The following DNAH14 variants were observed in gnomAD, a reference collection of about 807,000 sequenced individuals.
DNAH14 encodes axonemal beta dynein heavy chain 14.
Under a neutral mutation model 520.9 loss-of-function variants are expected in DNAH14, and 478 were observed. That is an observed-to-expected ratio of 0.92 (90% CI 0.85 to 0.99). The LOEUF (loss-of-function observed/expected upper bound fraction) is 0.99. Among genes scored for constraint, DNAH14 ranks in the 50% least tolerant of loss-of-function variants. The pLI, the probability that DNAH14 is intolerant of heterozygous loss-of-function variation, is 0.00. For synonymous variants in DNAH14, 1,581 were observed against 1,757.2 expected (o/e 0.90, Z 2.51); for missense variants, 4,831 against 5,234.5 (o/e 0.92, Z 2.38).
intron 1 of DNAH14, among the ~76,000 whole-genome samples, chr1:224,948,691 A>G (rs1395691903): frequency 6.6e-6 from 1 of 151,610 alleles, no homozygotes; most frequent in Non-Finnish European, 1.5e-5. Flanking sequence ...TTTCACCCCC[A>G]CTCCCAACTG....
intron 10 of DNAH14, among the ~76,000 whole-genome samples, chr1:225,014,873 A>G (rs2065085748): frequency 6.6e-6 from 1 of 152,170 alleles, no homozygotes; most frequent in South Asian, 2.1e-4. Flanking sequence ...TAGATTATCT[A>G]TTTGATGCTG....
intron 10 of DNAH14, among the ~76,000 whole-genome samples, chr1:225,012,428 T>C (rs1025347579): frequency 6.6e-6 from 1 of 152,126 alleles, no homozygotes; most frequent in African/African-American, 2.4e-5. Context: ...ATTATATGTC[T>C]TGGGGTTGCT....
In DNAH14 at chr1:225,201,793, C is replaced by T. The variant is rs181919409; in HGVS notation, c.5887-2390C>T. ...GCAAGGGGATAAAATGGACTCTGTACGGGTCCTTACCTTTCATTGTTTAAT... is the reference window on the plus strand; with the variant it reads ...GCAAGGGGATAAAATGGACTCTGTATGGGTCCTTACCTTTCATTGTTTAAT... On this transcript the variant is annotated intron_variant, in intron 38 of 85. Coordinates refer to ENST00000682510, the MANE Select transcript of DNAH14 (RefSeq NM_001367479.1). Among the ~76,000 whole-genome samples the T allele has an allele frequency of 1.2e-4, 18 of 151,644 alleles. No homozygotes were observed. The East Asian group carries it at 1.8e-3, about 15-fold the overall frequency.
intron 43 of DNAH14, among the ~76,000 whole-genome samples, chr1:225,244,609 T>C (rs1334231933): frequency 6.6e-6 from 1 of 152,064 alleles, no homozygotes; most frequent in African/African-American, 2.4e-5. Flanking sequence ...GAATTTATCC[T>C]TTTCTTCTAG....
intron 38 of DNAH14, among the ~76,000 whole-genome samples, chr1:225,194,350 A>G (rs143109504): frequency 6.6e-6 from 1 of 152,304 alleles, no homozygotes; most frequent in Non-Finnish European, 1.5e-5. Flanking sequence ...TAGCCCAGAA[A>G]TAATACTGCA....
chr1:225,335,700 TGC>T (rs1275004955), intron 66 of DNAH14, among the ~76,000 whole-genome samples: 1 of 85,874 alleles, frequency 1.2e-5, no homozygotes, highest in Non-Finnish European at 2.4e-5. Flanking sequence ...TATACATATG[TGC>T]ATATATGTAT....
At chr1:225,104,511 G>A (rs941522270) in intron 23 of DNAH14, among the ~76,000 whole-genome samples, 13 of 152,076 alleles carry the variant, frequency 8.5e-5, no homozygotes, top group Admixed American at 8.5e-4. Context: ...AATCCATCTG[G>A]TCCTGGACTT....
At position 225,119,233 on chromosome 1, in the gene DNAH14, A is replaced by G; in HGVS notation, c.4105A>G (p.Arg1369Gly). The change falls in exon 26 of 86, where the codon AGA (arginine) becomes GGA (glycine). Residue 1369 changes from arginine (R) to glycine (G), a missense_variant. Transcript: ENST00000682510. ...GLVLPKKIRVRSAVEQWLVNV... is the reference protein window; with the variant it reads ...GLVLPKKIRVGSAVEQWLVNV... The stretch of plus-strand genomic sequence containing the variant: ...AACTAATTTTAGGAAAATTCGTGTA[A>G]GAAGTGCTGTAGAACAGTGGCTGGT... The G allele has an allele frequency of 6.6e-7, 1 of 1,522,056 alleles. No homozygotes were observed. 94.3% of individuals were successfully genotyped at this position (1,522,056 alleles called of 1,614,324 possible).
chr1:224,974,471 C>G (rs2501141), intron 8 of DNAH14, among the ~76,000 whole-genome samples: 22,965 of 152,072 alleles, frequency 0.15, 3,205 homozygotes, highest in African/African-American at 0.36. Context: ...GTTAGGATCT[C>G]CATCAGCCAA....
At chr1:225,349,078 C>T (rs78449831) in intron 71 of DNAH14, among the ~76,000 whole-genome samples, 5,976 of 152,082 alleles carry the variant, frequency 0.039, 175 homozygotes, top group Middle Eastern at 0.075. Flanking sequence ...CTTAAGTGAT[C>T]CTCTCACCTC....
At position 225,192,908 on chromosome 1, in the gene DNAH14, C is replaced by T; in HGVS notation, c.5883C>T (p.Ser1961=). Residue 1961 remains serine, a synonymous_variant, in exon 38 of 86, where the codon TCC becomes TCT. Coordinates refer to ENST00000682510, the MANE Select transcript of DNAH14 (RefSeq NM_001367479.1). ...LRLKSRISDL[S]NVFKLDSSDT... is the part of the protein sequence containing the mutation. The stretch of plus-strand genomic sequence containing the variant: ...TAAAGTCAAGAATCTCAGATTTATC[C>T]AATGTAAGTTTAGTATTGAATGAAT... 6.5e-7 allele frequency: 1 copy of T among 1,543,700 alleles called. No homozygotes were observed. Among genetic ancestry groups the T allele is most frequent in the East Asian group, 2.5e-5 (1 of 40,718 alleles).
Position 225,388,396 on chromosome 1 carries a change from T to G in DNAH14, c.13095T>G (p.Ser4365=). The G allele has an allele frequency of 6.6e-7, 1 of 1,524,258 alleles. No individual in the cohort carries two copies. The highest frequency in any genetic ancestry group is 8.9e-7 in the Non-Finnish European group (1 of 1,125,382). The allele number at this position is 1,524,258 out of a possible 1,614,324, so 94.4% of individuals were successfully genotyped here. The stretch of plus-strand genomic sequence containing the variant: ...CCCAACAGAAACACGCCTACAGATC[T>G]TGTAAGCCACTGAGTTCCTGGATTG... ...PTLWQKHAYR[S]CKPLSSWIDD... is the part of the protein sequence containing the mutation. Residue 4365 remains serine (S), a synonymous_variant, in exon 82 of 86, where the codon TCT becomes TCG. Coordinates refer to ENST00000682510, the MANE Select transcript of DNAH14 (RefSeq NM_001367479.1).
chr1:224,939,528 C>T (rs906703583), intron 1 of DNAH14, among the ~76,000 whole-genome samples: 11 of 151,798 alleles, frequency 7.2e-5, no homozygotes, highest in Non-Finnish European at 1.6e-4. Context: ...TAAAAAAACA[C>T]GAAAAATTAG....
chr1:225,114,042 A>G (rs1408011947), intron 23 of DNAH14, among the ~76,000 whole-genome samples: 1 of 152,164 alleles, frequency 6.6e-6, no homozygotes, highest in Non-Finnish European at 1.5e-5. Context: ...TGCTTTTCTC[A>G]AGCAAAAGAA....
At chr1:224,951,246 G>A (rs61852100) in intron 1 of DNAH14, among the ~76,000 whole-genome samples, 2,807 of 152,170 alleles carry the variant, frequency 0.018, 30 homozygotes, top group Non-Finnish European at 0.027. Context: ...AGCTGGTCTC[G>A]AACTCCTGGC....
intron 8 of DNAH14, among the ~76,000 whole-genome samples, chr1:224,989,117 C>T (rs2062853562): frequency 6.6e-6 from 1 of 152,092 alleles, no homozygotes; most frequent in Admixed American, 6.5e-5. Flanking sequence ...ACATTCAAAC[C>T]ATATTAAGGC....
rs2067604968 is a variant in DNAH14 at position 225,042,901 on chromosome 1, C to T, written c.1555C>T (p.Leu519=). 1 of 1,551,470 alleles carries T rather than the reference C, an allele frequency of 6.4e-7. No individual in the cohort carries two copies. Among genetic ancestry groups the T allele is most frequent in the African/African-American group, 1.4e-5 (1 of 73,024 alleles). ...ATATGCACCAATATTTGAAGTAAAT[C>T]TATGCTTGAGAATTCCTGCTGAGAG... ...KTYAPIFEVN[L]CLRIPAESDS... The change falls in exon 13 of 86, where the codon CTA becomes TTA. Residue 519 remains leucine (L), a synonymous_variant. Transcript: ENST00000682510.
intron 36 of DNAH14, among the ~76,000 whole-genome samples, chr1:225,177,703 G>C (rs2083483631): frequency 6.6e-6 from 1 of 152,218 alleles, no homozygotes; most frequent in Non-Finnish European, 1.5e-5. Flanking sequence ...CAGAAGTCCA[G>C]AACTGGGGTT....
At chr1:225,041,952 A>C (rs181243774) in intron 12 of DNAH14, among the ~76,000 whole-genome samples, 138 of 152,298 alleles carry the variant, frequency 9.1e-4, no homozygotes, top group African/African-American at 3.1e-3. Context: ...GGTATTAGGT[A>C]CATTCAGTGT....
Sources: gnomAD v4.1 joint callset for allele counts (sites outside exome capture counted in the v4.1 genomes callset) on GRCh38, gnomAD v4.1.1 for gene constraint, MANE v1.5 for transcripts, NCBI Gene and HGNC (gene_info 2026-07-23, HGNC 2026-07-21) for gene names.